CFAP61: variants seen among roughly 807,000 people sequenced by gnomAD.
CFAP61 encodes the protein cilia- and flagella-associated protein 61.
Under a neutral mutation model 135.6 loss-of-function variants are expected in CFAP61, and 107 were observed. That is an observed-to-expected ratio of 0.79 (90% confidence interval 0.67 to 0.93). CFAP61 has a LOEUF of 0.93. CFAP61 is among the 40% of genes least tolerant of loss of function. The pLI is 0.00. For missense variants in CFAP61, 1,507 were observed against 1,556.2 expected (o/e 0.97, Z 0.53); for synonymous variants, 575 against 578.5 (o/e 0.99, Z 0.09).
chr20:20,076,717 A>G (rs1276272946), intron 6 of CFAP61, among the ~76,000 whole-genome samples: 2 of 152,248 alleles, frequency 1.3e-5, no homozygotes, highest in African/African-American at 2.4e-5. Context: ...TAAAAGTTTT[A>G]AAAACTTTAT....
rs13339937 is a variant in CFAP61 at position 20,208,019 on chromosome 20, T to C, written c.1932+8117T>C. ...TTTTCTGTTAAGCTGCAAGCCCCGC[T>C]GCTCAGTGAGTCCTTTCCTCCTGCC... On this transcript the variant is annotated intron_variant, in intron 17 of 26. Coordinates refer to ENST00000245957, the MANE Select transcript of CFAP61 (RefSeq NM_015585.4). Among the ~76,000 whole-genome samples the C allele has an allele frequency of 9.0e-3, 1,368 of 152,348 alleles. 19 individuals carry two copies. Among genetic ancestry groups the C allele is most frequent in the African/African-American group, 0.031 (1,300 of 41,572 alleles).
intron 11 of CFAP61, 122 bp downstream of exon 11, chr20:20,164,350 G>T: frequency 1.0e-6 from 1 of 984,522 alleles, no homozygotes; most frequent in Non-Finnish European, 1.5e-6. Context: ...ATCTCCTGGG[G>T]AATTTTTTAA....
At chr20:20,054,515 A>C (rs1460484305) in intron 1 of CFAP61, among the ~76,000 whole-genome samples, 1 of 152,214 alleles carries the variant, frequency 6.6e-6, no homozygotes, top group Non-Finnish European at 1.5e-5. Flanking sequence ...TGGCACATGA[A>C]AATTATACAT....
chr20:20,059,165 TA>T (rs2044598797), intron 2 of CFAP61, among the ~76,000 whole-genome samples: 1 of 151,144 alleles, frequency 6.6e-6, no homozygotes, highest in Non-Finnish European at 1.5e-5. Flanking sequence ...CCATCTCTAC[TA>T]AAAATACAAA....
intron 18 of CFAP61, among the ~76,000 whole-genome samples, chr20:20,230,365 ATCAC>A (rs2049037217): frequency 6.6e-6 from 1 of 152,196 alleles, no homozygotes; most frequent in African/African-American, 2.4e-5. Flanking sequence ...TAAGTCAGCA[ATCAC>A]CATGGTAACC....
chr20:20,356,086 T>G (rs2059135670), intron 26 of CFAP61, among the ~76,000 whole-genome samples: 3 of 76,336 alleles, frequency 3.9e-5, no homozygotes, highest in African/African-American at 4.9e-5. Context: ...TGAGCAGAGA[T>G]GGTCACACTG....
chr20:20,086,934 G>A (rs2046852257), intron 6 of CFAP61, among the ~76,000 whole-genome samples: 2 of 152,094 alleles, frequency 1.3e-5, no homozygotes, highest in South Asian at 2.1e-4. Context: ...GAGGATGCTG[G>A]AATTGGGGAT....
intron 8 of CFAP61, among the ~76,000 whole-genome samples, chr20:20,099,544 T>A (rs1252754961): frequency 6.7e-6 from 1 of 149,104 alleles, no homozygotes; most frequent in Non-Finnish European, 1.5e-5. Context: ...ATTTCTTCAT[T>A]TGTAAAATGG....
chr20:20,301,241 C>G (rs565530361), intron 25 of CFAP61, among the ~76,000 whole-genome samples: 1 of 151,978 alleles, frequency 6.6e-6, no homozygotes, highest in South Asian at 2.1e-4. Context: ...TTTACTGTAC[C>G]TTTTCTATGT....
At chr20:20,275,765 C>T (rs933700647) in intron 21 of CFAP61, among the ~76,000 whole-genome samples, 1 of 152,208 alleles carries the variant, frequency 6.6e-6, no homozygotes, top group Non-Finnish European at 1.5e-5. Context: ...TTATAGTTTT[C>T]GGTTCAAGTT....
chr20:20,094,909 C>T (rs77106628), intron 7 of CFAP61, among the ~76,000 whole-genome samples: 2 of 152,264 alleles, frequency 1.3e-5, no homozygotes, highest in Non-Finnish European at 2.9e-5. Flanking sequence ...CCCTAGGGGG[C>T]TTTTAGGCAA....
chr20:20,201,380 C>T (rs1445574874), intron 17 of CFAP61, among the ~76,000 whole-genome samples: 2 of 152,126 alleles, frequency 1.3e-5, no homozygotes, highest in Non-Finnish European at 2.9e-5. Context: ...TGATCTGTGC[C>T]CCCACCACTT....
intron 9 of CFAP61, among the ~76,000 whole-genome samples, chr20:20,155,533 A>G (rs1011280732): frequency 1.3e-5 from 2 of 152,228 alleles, no homozygotes; most frequent in African/African-American, 4.8e-5. Context: ...ACAAAGAACT[A>G]GTATCCAGAA....
At chr20:20,092,416 A>G (rs954930707) in intron 7 of CFAP61, among the ~76,000 whole-genome samples, 7 of 152,222 alleles carry the variant, frequency 4.6e-5, no homozygotes, top group Non-Finnish European at 8.8e-5. Context: ...ATTTCTCATT[A>G]TTTGTTAAAA....
At chr20:20,283,794 T>C (rs1409519136) in intron 22 of CFAP61, among the ~76,000 whole-genome samples, 1 of 152,254 alleles carries the variant, frequency 6.6e-6, no homozygotes, top group Non-Finnish European at 1.5e-5. Context: ...TCTTGCCTCA[T>C]GGCCCCTTCC....
chr20:20,317,913 T>A (rs982101503), intron 25 of CFAP61, among the ~76,000 whole-genome samples: 2 of 152,222 alleles, frequency 1.3e-5, no homozygotes, highest in African/African-American at 4.8e-5. Flanking sequence ...TAATGATTAG[T>A]TCCCAGCCAC....
intron 15 of CFAP61, 24 bp from the exon 16 acceptor site, chr20:20,196,546 C>G (rs1438159037): frequency 6.5e-7 from 1 of 1,544,490 alleles, no homozygotes; most frequent in East Asian, 2.2e-5. Context: ...CTTGTAGAAA[C>G]CATCCCTTCT....
Position 20,324,943 on chromosome 20 carries a change from T to C in CFAP61, c.3423-16888T>C, listed in dbSNP as rs1180306764. ...ATTTATTATATTTAAAGACTAGTAA[T>C]CCTTATTATGTACATTGCAAATATT... On this transcript the variant is annotated intron_variant, in intron 25 of 26. Transcript: ENST00000245957. Among the ~76,000 whole-genome samples, 5 of 152,246 alleles carry C rather than the reference T, an allele frequency of 3.3e-5. No homozygotes were observed. The East Asian group carries it at 9.6e-4, about 29-fold the overall frequency.
intron 13 of CFAP61, among the ~76,000 whole-genome samples, chr20:20,180,729 A>G (rs1305499376): frequency 6.6e-6 from 1 of 152,194 alleles, no homozygotes; most frequent in Non-Finnish European, 1.5e-5. Context: ...AGCACTATTC[A>G]CAATAGCAAA....
Sources: allele counts gnomAD v4.1 joint callset (sites outside exome capture counted in the v4.1 genomes callset), GRCh38; gene constraint gnomAD v4.1.1; transcripts MANE v1.5; gene names NCBI Gene and HGNC (gene_info 2026-07-23, HGNC 2026-07-21).